Variants in ODAD2 observed in about 807,000 individuals in gnomAD.
ODAD2 encodes the protein outer dynein arm-docking complex subunit 2.
A neutral mutation model predicts 106.8 loss-of-function variants in ODAD2; 89 were observed. The ratio of observed to expected loss-of-function variants is 0.83; its 90% CI spans 0.70 to 0.99. The LOEUF (loss-of-function observed/expected upper bound fraction) is 0.99. Among genes scored for constraint, ODAD2 ranks in the 50% least tolerant of loss-of-function variants. The probability of loss-of-function intolerance (pLI) is 0.00; values close to 1 mark genes in which losing one functional copy is unlikely to be tolerated. For missense variants in ODAD2, 1,168 were observed against 1,238.5 expected (o/e 0.94, Z 0.85); for synonymous variants, 404 against 436.2 (o/e 0.93, Z 0.92).
chr10:27,976,142 G>A (rs1396741214), intron 7 of ODAD2, among the ~76,000 whole-genome samples: 1 of 152,072 alleles, frequency 6.6e-6, no homozygotes, highest in Non-Finnish European at 1.5e-5. Context: ...CCTTAACCTT[G>A]TAAATGGTTA....
At chr10:27,868,908 C>A (rs1222939644) in intron 17 of ODAD2, among the ~76,000 whole-genome samples, 1 of 151,386 alleles carries the variant, frequency 6.6e-6, no homozygotes, top group African/African-American at 2.4e-5. Context: ...GAATAAGGAG[C>A]AAAATCATGC....
intron 19 of ODAD2, among the ~76,000 whole-genome samples, chr10:27,837,663 A>G (rs1213145905): frequency 6.6e-6 from 1 of 152,190 alleles, no homozygotes. Flanking sequence ...TAAAATTTAA[A>G]CGTGGGTCAT....
At chr10:27,848,630 G>A (rs1253713068) in intron 19 of ODAD2, among the ~76,000 whole-genome samples, 1 of 152,124 alleles carries the variant, frequency 6.6e-6, no homozygotes, top group Non-Finnish European at 1.5e-5. Context: ...GCAACCTACA[G>A]AATGGGAGAA....
intron 2 of ODAD2, among the ~76,000 whole-genome samples, chr10:27,992,788 G>C (rs1381698149): frequency 7.2e-5 from 11 of 152,190 alleles, no homozygotes. Context: ...GATTTGAGAG[G>C]TGTGTGTCAC....
chr10:27,947,868 A>T (rs1847049821), intron 10 of ODAD2, among the ~76,000 whole-genome samples: 1 of 152,190 alleles, frequency 6.6e-6, no homozygotes, highest in Non-Finnish European at 1.5e-5. Context: ...GCTCGTGCTG[A>T]GGACTTGCTT....
chr10:27,991,004 C>T (rs776776552), intron 2 of ODAD2, among the ~76,000 whole-genome samples: 1 of 152,094 alleles, frequency 6.6e-6, no homozygotes, highest in Non-Finnish European at 1.5e-5. Context: ...TGATTCTGAG[C>T]GCTTATCCAA....
At chr10:27,887,162 T>C (rs990900046) in intron 17 of ODAD2, among the ~76,000 whole-genome samples, 1 of 151,994 alleles carries the variant, frequency 6.6e-6, no homozygotes, top group African/African-American at 2.4e-5. Flanking sequence ...AAGTCAAACG[T>C]TGAAATAGGA....
chr10:27,928,225 C>A (rs746104705), intron 16 of ODAD2, among the ~76,000 whole-genome samples: 18 of 152,080 alleles, frequency 1.2e-4, no homozygotes, highest in Non-Finnish European at 5.9e-5. Flanking sequence ...GTACCAATAT[C>A]CATATAGTTA....
intron 17 of ODAD2, among the ~76,000 whole-genome samples, chr10:27,872,923 A>G (rs1365998237): frequency 6.6e-6 from 1 of 152,132 alleles, no homozygotes; most frequent in Non-Finnish European, 1.5e-5. Flanking sequence ...ATAGTTTCAG[A>G]AGGAATGGTC....
At chr10:27,885,728 TAAAA>T (rs1842121726) in intron 17 of ODAD2, among the ~76,000 whole-genome samples, 1 of 39,414 alleles carries the variant, frequency 2.5e-5, no homozygotes, top group African/African-American at 7.2e-5. Flanking sequence ...ATATTATATA[TAAAA>T]TATATTATGT....
rs538100801 is a variant in ODAD2, at chr10:27,979,117, C to T, written c.936+2349G>A. Among the ~76,000 whole-genome samples, 16 of 150,010 alleles carry T rather than the reference C, an allele frequency of 1.1e-4. No individual in the cohort carries two copies. In the East Asian group the frequency reaches 1.6e-3, roughly 15 times the overall value. Reference sequence around the variant, plus strand: ...CCCAGCTACTCGGGAGCTTGAGGCACGAGAATCACTTGAACCCGGGAGGGG... The same window carrying T: ...CCCAGCTACTCGGGAGCTTGAGGCATGAGAATCACTTGAACCCGGGAGGGG... On this transcript the variant is annotated intron_variant, in intron 7 of 19. Transcript: ENST00000305242.
intron 10 of ODAD2, among the ~76,000 whole-genome samples, chr10:27,951,449 C>T (rs780454920): frequency 2.0e-5 from 3 of 152,168 alleles, no homozygotes; most frequent in East Asian, 3.9e-4. Context: ...CAAACTCTCA[C>T]GTGTGAGACT....
At chr10:27,912,492 T>TG (rs1844079025) in intron 16 of ODAD2, among the ~76,000 whole-genome samples, 1 of 152,170 alleles carries the variant, frequency 6.6e-6, no homozygotes, top group African/African-American at 2.4e-5. Context: ...AGGACTGCTA[T>TG]GAAGTTTTGC....
intron 2 of ODAD2, among the ~76,000 whole-genome samples, chr10:27,988,386 G>A (rs947097857): frequency 1.4e-5 from 2 of 141,720 alleles, no homozygotes; most frequent in Non-Finnish European, 1.5e-5. Flanking sequence ...CACCGGGATT[G>A]GAGTGCAGTG....
intron 10 of ODAD2, among the ~76,000 whole-genome samples, chr10:27,946,080 T>C (rs1315693527): frequency 2.0e-5 from 3 of 149,088 alleles, no homozygotes; most frequent in Non-Finnish European, 4.4e-5. Context: ...GTCTATTTTA[T>C]AAATTTATTC....
chr10:27,865,172 C>T (rs1840351761), intron 17 of ODAD2, among the ~76,000 whole-genome samples: 1 of 152,124 alleles, frequency 6.6e-6, no homozygotes, highest in Admixed American at 6.5e-5. Context: ...GCCTTGACAC[C>T]TCTTCTCCAA....
intron 19 of ODAD2, among the ~76,000 whole-genome samples, chr10:27,849,400 C>T (rs146400187): frequency 0.091 from 7,759 of 85,124 alleles, 291 homozygotes; most frequent in East Asian, 0.24. Flanking sequence ...CGGGGCCTGT[C>T]GTGGGGTGGG....
intron 16 of ODAD2, among the ~76,000 whole-genome samples, chr10:27,917,568 TAA>T (rs1165160364): frequency 6.6e-6 from 1 of 151,604 alleles, no homozygotes; most frequent in Non-Finnish European, 1.5e-5. Flanking sequence ...ATAGAGAAAA[TAA>T]AGTCAAAAGT....
chr10:27,882,228 A>AGAAAGAAG (rs1554799120), intron 17 of ODAD2, among the ~76,000 whole-genome samples: 35 of 151,048 alleles, frequency 2.3e-4, no homozygotes, highest in Admixed American at 2.0e-4. Context: ...AAAGAAAGAA[A>AGAAAGAAG]GAAAGAAATA....
Sources: allele counts gnomAD v4.1 joint callset (sites outside exome capture counted in the v4.1 genomes callset), GRCh38; gene constraint gnomAD v4.1.1; transcripts MANE v1.5; gene names NCBI Gene and HGNC (gene_info 2026-07-23, HGNC 2026-07-21).